Variants in ZFHX4 observed in about 807,000 individuals in gnomAD.
The protein encoded by ZFHX4 is zinc finger homeobox 4.
Under a neutral mutation model 267.6 loss-of-function variants are expected in ZFHX4, and 56 were observed. The observed-to-expected ratio is 0.21, with a 90% confidence interval of 0.17 to 0.26. The LOEUF (loss-of-function observed/expected upper bound fraction) is 0.26. Among genes scored for constraint, ZFHX4 ranks in the 10% least tolerant of loss-of-function variants. ZFHX4 has a pLI of 1.00. For synonymous variants in ZFHX4, 1,778 were observed against 1,665.6 expected (o/e 1.07, Z -1.64); for missense variants, 4,332 against 4,420.0 (o/e 0.98, Z 0.56).
At chr8:76,826,360 G>A (rs1028893312) in intron 4 of ZFHX4, among the ~76,000 whole-genome samples, 3 of 152,178 alleles carry the variant, frequency 2.0e-5, no homozygotes, top group Non-Finnish European at 4.4e-5. Context: ...ATGAGTTCCA[G>A]AGGGGACAAA....
chr8:76,824,363 T>G (rs1178459137), intron 4 of ZFHX4, among the ~76,000 whole-genome samples: 2 of 152,216 alleles, frequency 1.3e-5, no homozygotes, highest in East Asian at 3.9e-4. Context: ...TTTTTAGTTT[T>G]GCAGACTGCC....
chr8:76,692,308 G>A (rs1023009821), intron 1 of ZFHX4, among the ~76,000 whole-genome samples: 2 of 151,978 alleles, frequency 1.3e-5, no homozygotes, highest in African/African-American at 2.4e-5. Context: ...TTTGAAAGTC[G>A]CTGAATTAGA....
In ZFHX4 at chr8:76,851,016, T is replaced by C. The variant is rs1037096168; in HGVS notation, c.4095T>C (p.Ser1365=). ...TCTCAGAATGGAATAAAAATAGCAG[T>C]AAGGATGTGAAAATCCCCGACACAC... The part of the protein sequence containing the change: ...LEVSEWNKNS[S]KDVKIPDTLQ... Residue 1365 remains serine, a synonymous_variant, in exon 10 of 11, where the codon AGT becomes AGC. Transcript: ENST00000651372. 1.9e-6 allele frequency: 3 copies of C among 1,613,866 alleles called. No individual in the cohort carries two copies. The Admixed American group carries it at 5.0e-5, about 27-fold the overall frequency.
intron 4 of ZFHX4, among the ~76,000 whole-genome samples, chr8:76,800,058 G>T (rs538487335): frequency 6.6e-6 from 1 of 152,036 alleles, no homozygotes; most frequent in Non-Finnish European, 1.5e-5. Flanking sequence ...CAGAAAGAGC[G>T]TGTGTGTGAG....
intron 5 of ZFHX4, chr8:76,834,109 C>T (rs1180414957): frequency 6.7e-6 from 3 of 449,614 alleles, no homozygotes; most frequent in African/African-American, 6.0e-5. Context: ...TCATTGTCTT[C>T]ATATGTCACA....
intron 3 of ZFHX4, among the ~76,000 whole-genome samples, chr8:76,734,911 A>G (rs1288827011): frequency 3.9e-5 from 6 of 152,286 alleles, no homozygotes; most frequent in African/African-American, 1.4e-4. Context: ...CACAAATAGC[A>G]TAGATTTTAA....
intron 3 of ZFHX4, among the ~76,000 whole-genome samples, chr8:76,753,337 G>A (rs1419330685): frequency 6.6e-6 from 1 of 152,088 alleles, no homozygotes; most frequent in Non-Finnish European, 1.5e-5. Context: ...TAGTGCTACA[G>A]GGCATATATC....
At chr8:76,801,216 A>G (rs1811109654) in intron 4 of ZFHX4, among the ~76,000 whole-genome samples, 1 of 152,128 alleles carries the variant, frequency 6.6e-6, no homozygotes, top group Non-Finnish European at 1.5e-5. Flanking sequence ...TGCATTTGTC[A>G]TTTAGAAGTG....
In ZFHX4 at chr8:76,782,518, T is replaced by A. The variant is rs537157969; in HGVS notation, c.3325+4079T>A. ...ATCTTGGAATTTAATATGGATTCAT[T>A]TTTTCTTAATTCAGTATATTACATT... On this transcript the variant is annotated intron_variant, in intron 4 of 10. Coordinates refer to ENST00000651372, the MANE Select transcript of ZFHX4 (RefSeq NM_024721.5). Among the ~76,000 whole-genome samples the A allele has an allele frequency of 5.9e-5, 9 of 152,108 alleles. No individual in the cohort carries two copies. The South Asian group carries it at 1.9e-3, about 32-fold the overall frequency.
rs576046525 is a variant in ZFHX4, at chr8:76,852,763, T to G, written c.5842T>G (p.Cys1948Gly). The part of the protein sequence containing the change: ...GEGENTDKLE[C>G]GTCGKLFSNV... ...AGGCGAAAACACTGACAAACTAGAA[T>G]GTGGAACATGTGGTAAATTGTTTTC... Residue 1948 changes from cysteine (C) to glycine (G), a missense_variant, in exon 10 of 11, where the codon TGT (cysteine) becomes GGT (glycine). Physicochemically the swap from Cys to Gly is radical, Grantham distance 159. Around this residue, in one of 7 missense-constraint regions of ZFHX4, gnomAD observed 1,371 missense variants for 1,423.1 expected, o/e 0.96. Coordinates refer to ENST00000651372, the MANE Select transcript of ZFHX4 (RefSeq NM_024721.5). 6.2e-7 allele frequency: 1 copy of G among 1,613,564 alleles called. No individual in the cohort carries two copies. Among genetic ancestry groups the G allele is most frequent in the Non-Finnish European group, 8.5e-7 (1 of 1,179,702 alleles).
chr8:76,749,502 C>T (rs1809560234), intron 3 of ZFHX4, among the ~76,000 whole-genome samples: 1 of 152,040 alleles, frequency 6.6e-6, no homozygotes, highest in Admixed American at 6.6e-5. Flanking sequence ...ATTTGGTATC[C>T]AGAACTTTGG....
At chr8:76,730,603 G>A (rs1024919268) in intron 3 of ZFHX4, among the ~76,000 whole-genome samples, 28 of 152,182 alleles carry the variant, frequency 1.8e-4, no homozygotes, top group African/African-American at 6.5e-4. Flanking sequence ...GGAGGCTGAG[G>A]CATGAGAATC....
intron 1 of ZFHX4, among the ~76,000 whole-genome samples, chr8:76,688,027 A>T (rs1585848295): frequency 6.6e-6 from 1 of 152,194 alleles, no homozygotes; most frequent in African/African-American, 2.4e-5. Context: ...CAGCAACTTT[A>T]TAAGATGCTG....
chr8:76,790,902 T>A (rs1359061928), intron 4 of ZFHX4, among the ~76,000 whole-genome samples: 1 of 152,194 alleles, frequency 6.6e-6, no homozygotes, highest in Non-Finnish European at 1.5e-5. Flanking sequence ...GATGGATTAC[T>A]GAGATCTGCC....
rs372690650 is a variant in ZFHX4, at chr8:76,852,214, C to T, written c.5293C>T (p.Pro1765Ser). The change falls in exon 10 of 11, where the codon CCT (proline) becomes TCT (serine). Residue 1765 changes from proline (P) to serine (S), a missense_variant. Physicochemically the swap from Pro to Ser is moderately conservative, Grantham distance 74. Coordinates refer to ENST00000651372, the MANE Select transcript of ZFHX4 (RefSeq NM_024721.5). ...GCCAGGCTCTGCCACATTTGGGATG[C>T]CTGGCATGACAGGAATGGCTGGCTC... The part of the protein sequence containing the change: ...GLPGSATFGM[P>S]GMTGMAGSLL... 9.4e-5 allele frequency: 152 copies of T among 1,613,432 alleles called. No homozygotes were observed. Among genetic ancestry groups the T allele is most frequent in the Non-Finnish European group, 1.3e-4 (148 of 1,179,706 alleles).
intron 1 of ZFHX4, among the ~76,000 whole-genome samples, chr8:76,702,306 C>A (rs1368616757): frequency 1.3e-5 from 2 of 152,114 alleles, no homozygotes; most frequent in Admixed American, 6.5e-5. Flanking sequence ...GATACCAAAA[C>A]GAATTTTGAA....
chr8:76,836,650 A>C (rs1812100386), intron 5 of ZFHX4, among the ~76,000 whole-genome samples: 1 of 152,078 alleles, frequency 6.6e-6, no homozygotes, highest in Non-Finnish European at 1.5e-5. Context: ...AAAAGTAGGC[A>C]AGGGCTTAAT....
At chr8:76,753,415 C>T (rs1809675151) in intron 3 of ZFHX4, among the ~76,000 whole-genome samples, 1 of 152,002 alleles carries the variant, frequency 6.6e-6, no homozygotes, top group African/African-American at 2.4e-5. Flanking sequence ...ATTTATATTG[C>T]ATAAATAATA....
chr8:76,732,473 T>C (rs1443818498), intron 3 of ZFHX4, among the ~76,000 whole-genome samples: 2 of 151,868 alleles, frequency 1.3e-5, no homozygotes, highest in African/African-American at 4.8e-5. Flanking sequence ...TACATTATTA[T>C]AATATATATA....
Sources: allele counts gnomAD v4.1 joint callset (sites outside exome capture counted in the v4.1 genomes callset), GRCh38; gene constraint gnomAD v4.1.1; regional missense constraint gnomAD v4.1.1; transcripts MANE v1.5; gene names NCBI Gene and HGNC (gene_info 2026-07-23, HGNC 2026-07-21).